Variants in GPHN observed in about 807,000 individuals in gnomAD.
The protein encoded by GPHN is gephyrin.
GPHN carries 17 observed loss-of-function variants against 95.5 expected under a neutral mutation model. The observed-to-expected ratio is 0.18, with a 90% CI of 0.12 to 0.27. The LOEUF (loss-of-function observed/expected upper bound fraction) is 0.27, where lower values mean the gene tolerates loss of function less well. GPHN is among the 10% of genes least tolerant of loss of function. GPHN has a pLI of 1.00. For synonymous variants in GPHN, 320 were observed against 322.5 expected, an observed-to-expected ratio of 0.99 and a Z score of 0.08; for missense variants, 660 against 978.1, an observed-to-expected ratio of 0.67 and a Z score of 4.34.
chr14:66,668,637 A>G (rs967694241), intron 1 of GPHN, among the ~76,000 whole-genome samples: 4 of 152,206 alleles, frequency 2.6e-5, no homozygotes, highest in African/African-American at 2.4e-5. Flanking sequence ...ACTTGAGGGT[A>G]GAAGGTGGGA....
At chr14:66,647,738 A>G (rs2064836111) in intron 1 of GPHN, among the ~76,000 whole-genome samples, 1 of 152,168 alleles carries the variant, frequency 6.6e-6, no homozygotes, top group African/African-American at 2.4e-5. Flanking sequence ...CTGGTTTTAG[A>G]CATCAGTTGA....
At chr14:67,274,271 C>A in the GPHN span, among the ~76,000 whole-genome samples, 5 of 152,336 alleles carry the variant, frequency 3.3e-5, no homozygotes, top group African/African-American at 1.2e-4. Context: ...ACATTTAAGT[C>A]TTTAATCCAT....
At chr14:67,660,409 T>C in the GPHN span, among the ~76,000 whole-genome samples, 1 of 152,080 alleles carries the variant, frequency 6.6e-6, no homozygotes. Context: ...CATCTCTATA[T>C]ATATATAAAA....
At chr14:66,755,081 T>C (rs1364837611) in intron 2 of GPHN, among the ~76,000 whole-genome samples, 1 of 152,010 alleles carries the variant, frequency 6.6e-6, no homozygotes. Flanking sequence ...CTAATAAATC[T>C]TTGTCTCTGA....
chr14:66,675,628 G>A (rs1008139088), intron 1 of GPHN, among the ~76,000 whole-genome samples: 6 of 151,912 alleles, frequency 3.9e-5, no homozygotes, highest in Non-Finnish European at 4.4e-5. Context: ...GTATAGTTCC[G>A]TTTGTCTATT....
At chr14:66,652,805 G>A (rs988773186) in intron 1 of GPHN, among the ~76,000 whole-genome samples, 3 of 152,106 alleles carry the variant, frequency 2.0e-5, no homozygotes, top group African/African-American at 7.2e-5. Context: ...TGCAGGAAAG[G>A]TAGCCCTCCT....
chr14:66,982,744 A>T (rs901309678), intron 9 of GPHN, among the ~76,000 whole-genome samples: 1 of 152,186 alleles, frequency 6.6e-6, no homozygotes, highest in Non-Finnish European at 1.5e-5. Context: ...TTTACATTCA[A>T]TTCTCAGACT....
chr14:67,585,214 C>T, the GPHN span: 13 of 182,782 alleles, frequency 7.1e-5, no homozygotes, highest in Admixed American at 1.2e-4. Flanking sequence ...AGAAAACCAG[C>T]TGTTCCCCAT....
the GPHN span, among the ~76,000 whole-genome samples, chr14:67,652,884 C>T: frequency 5.3e-5 from 8 of 152,178 alleles, no homozygotes; most frequent in African/African-American, 1.7e-4. Flanking sequence ...ACCTCCACCC[C>T]CCAGGTTCAA....
At chr14:67,628,260 C>T in the GPHN span, among the ~76,000 whole-genome samples, 4 of 152,296 alleles carry the variant, frequency 2.6e-5, no homozygotes, top group Admixed American at 2.6e-4. Flanking sequence ...GTTGCCCAGG[C>T]TGGAGTGTGG....
At chr14:66,695,748 C>T (rs1002691455) in intron 2 of GPHN, among the ~76,000 whole-genome samples, 9 of 152,134 alleles carry the variant, frequency 5.9e-5, no homozygotes, top group African/African-American at 1.9e-4. Context: ...ATCAAAGCAG[C>T]CAATCTGCAA....
At chr14:66,591,289 T>G (rs1358640525) in intron 1 of GPHN, among the ~76,000 whole-genome samples, 1 of 152,204 alleles carries the variant, frequency 6.6e-6, no homozygotes, top group African/African-American at 2.4e-5. Context: ...CAACATAGTA[T>G]TGGAAGTTCT....
the GPHN span, chr14:67,593,960 G>C: frequency 6.3e-7 from 1 of 1,595,704 alleles, no homozygotes; most frequent in East Asian, 2.2e-5. Context: ...GTTCTGAAGA[G>C]AGAGCCAGAC....
At chr14:66,835,362 G>A (rs1396554175) in intron 4 of GPHN, among the ~76,000 whole-genome samples, 1 of 151,614 alleles carries the variant, frequency 6.6e-6, no homozygotes, top group African/African-American at 2.4e-5. Context: ...TGTCAATTTT[G>A]GATCTTTCCT....
chr14:67,630,125 A>G, the GPHN span, among the ~76,000 whole-genome samples: 1 of 152,138 alleles, frequency 6.6e-6, no homozygotes, highest in South Asian at 2.1e-4. Context: ...CATCCCCCAC[A>G]TCAGTTGTAT....
At chr14:67,672,084 C>A in the GPHN span, among the ~76,000 whole-genome samples, 2 of 151,704 alleles carry the variant, frequency 1.3e-5, no homozygotes, top group Non-Finnish European at 1.5e-5. Context: ...ATGGGCATTG[C>A]AAAAATTAAT....
At chr14:67,644,155 A>C in the GPHN span, among the ~76,000 whole-genome samples, 1 of 152,224 alleles carries the variant, frequency 6.6e-6, no homozygotes, top group African/African-American at 2.4e-5. Context: ...AAGCTTAGGC[A>C]ATCTGAAATT....
chr14:66,756,303 A>G lies in GPHN; in HGVS notation c.144-20161A>G, dbSNP rs138563538. 4.1e-4 allele frequency among the ~76,000 whole-genome samples: 63 copies of G among 152,266 alleles called. 3 individuals carry two copies. In the East Asian group the frequency reaches 9.8e-3, roughly 24 times the overall value. ...TTTCAACTTTACAAAGTGCCCTAAC[A>G]TATTTTTTTAAATGTTTGTTGCTCA... On this transcript the variant is annotated intron_variant, in intron 2 of 22. Transcript: ENST00000478722.
At chr14:66,884,977 G>A (rs1272795774) in intron 5 of GPHN, among the ~76,000 whole-genome samples, 1 of 151,658 alleles carries the variant, frequency 6.6e-6, no homozygotes, top group African/African-American at 2.4e-5. Flanking sequence ...CTGCTTTTAG[G>A]GAGGAGATAA....
Sources: gnomAD v4.1 joint callset for allele counts (sites outside exome capture counted in the v4.1 genomes callset) on GRCh38, gnomAD v4.1.1 for gene constraint, MANE v1.5 for transcripts, NCBI Gene and HGNC (gene_info 2026-07-23, HGNC 2026-07-21) for gene names.